EPN1: variants seen among roughly 807,000 people sequenced by gnomAD.
The protein encoded by EPN1 is epsin 1.
In EPN1, 25 loss-of-function variants were observed where a neutral mutation model predicts 56.9. The ratio of observed to expected loss-of-function variants is 0.44; its 90% CI spans 0.32 to 0.61. The LOEUF (loss-of-function observed/expected upper bound fraction) is 0.61. Among genes scored for constraint, EPN1 ranks in the 20% least tolerant of loss-of-function variants. EPN1 has a pLI of 0.05. For missense variants in EPN1, 785 were observed against 823.7 expected (o/e 0.95, Z 0.58); for synonymous variants, 411 against 361.8 (o/e 1.14, Z -1.54).
rs1480730716 is a variant in EPN1 at position 55,703,145 on chromosome 19, T to C, written c.*7789T>C. ...ATTTCCTTTGGCCCTGCGTGGTCTC[T>C]CTCTGGCTGGGCAGCTCTGGGCCAG... On this transcript the variant is annotated 3_prime_UTR_variant, in exon 11 of 11. Coordinates refer to ENST00000270460, the MANE Select transcript of EPN1 (RefSeq NM_001130072.2). 1 of 152,240 alleles carries C rather than the reference T, an allele frequency of 6.6e-6. No individual in the cohort carries two copies. The highest frequency in any genetic ancestry group is 1.9e-4 in the East Asian group (1 of 5,174). 9.4% of individuals were successfully genotyped at this position (152,240 alleles called of 1,614,324 possible).
rs1291954869 is a variant in EPN1, at chr19:55,689,898, G to A, written c.710G>A (p.Arg237Gln). 1 of 1,606,368 alleles carries A rather than the reference G, an allele frequency of 6.2e-7. No homozygotes were observed. Among genetic ancestry groups the A allele is most frequent in the Non-Finnish European group, 8.5e-7 (1 of 1,176,848 alleles). The change falls in exon 6 of 11, where the codon CGG becomes CAG. Residue 237 changes from arginine (R) to glutamine (Q), a missense_variant. Coordinates refer to ENST00000270460, the MANE Select transcript of EPN1 (RefSeq NM_001130072.2). This position sits in a 1 kb window ranked among gnomAD's most constrained non-coding sequence, Gnocchi z 5.7. Reference protein sequence around the residue: ...EERIRRGDDLRLQMAIEESKR... With the variant: ...EERIRRGDDLQLQMAIEESKR... ...CGGATCCGTCGCGGGGATGACCTGC[G>A]GCTGCAGATGGCAATCGAGGAGAGC...
Position 55,708,676 on chromosome 19 carries a change from A to C in EPN1, c.*13320A>C, listed in dbSNP as rs1036175897. 7 of 358,216 alleles carry C rather than the reference A, an allele frequency of 2.0e-5. No individual in the cohort carries two copies. The highest frequency in any genetic ancestry group is 4.7e-5 in the Admixed American group (1 of 21,380). The allele number at this position is 358,216 out of a possible 1,614,324, so 22.2% of individuals were successfully genotyped here. Reference sequence around the variant, plus strand: ...TTGTTTAACGTACTTGTGCTTCTAAATATCACAAGGCAGGATGGGATTTCT... The same window carrying C: ...TTGTTTAACGTACTTGTGCTTCTAACTATCACAAGGCAGGATGGGATTTCT... On this transcript the variant is annotated 3_prime_UTR_variant, in exon 11 of 11. Transcript: ENST00000270460.
At chr19:55,681,077 C>T (rs934748787) in intron 2 of EPN1, among the ~76,000 whole-genome samples, 2 of 152,232 alleles carry the variant, frequency 1.3e-5, no homozygotes, top group Non-Finnish European at 2.9e-5. Context: ...AGAGCCCAGG[C>T]TGTCCCACCC....
At chr19:55,686,626 C>T (rs148492462) in intron 3 of EPN1, among the ~76,000 whole-genome samples, 242 of 152,060 alleles carry the variant, frequency 1.6e-3, no homozygotes, top group African/African-American at 5.6e-3. Flanking sequence ...ATGGGTGTGA[C>T]GGGGTGTGTG....
rs943613477 is a variant in EPN1 at position 55,695,486 on chromosome 19, A to G, written c.*130A>G. 2 of 611,776 alleles carry G rather than the reference A, an allele frequency of 3.3e-6. No homozygotes were observed. Among genetic ancestry groups the G allele is most frequent in the Non-Finnish European group, 5.8e-6 (2 of 346,634 alleles). 37.9% of individuals were successfully genotyped at this position (611,776 alleles called of 1,614,324 possible). Reference sequence around the variant, plus strand: ...CCCTTCCCCTTCCTGGGGCCCACTCACACTACACCCTCTTCCTTTCCCACC... The same window carrying G: ...CCCTTCCCCTTCCTGGGGCCCACTCGCACTACACCCTCTTCCTTTCCCACC... On this transcript the variant is annotated 3_prime_UTR_variant, in exon 11 of 11. Coordinates refer to ENST00000270460, the MANE Select transcript of EPN1 (RefSeq NM_001130072.2). The surrounding 1 kb of genome is among the most constrained non-coding windows in gnomAD (Gnocchi z 4.4).
Position 55,689,283 on chromosome 19 carries a change from T to C in EPN1, c.604-14T>C. 2.0e-6 allele frequency: 3 copies of C among 1,535,968 alleles called. No homozygotes were observed. Among genetic ancestry groups the C allele is most frequent in the South Asian group, 1.2e-5 (1 of 83,604 alleles). ...GCCCCTCCCGTCATGCCCCTCACAC[T>C]CTCTCTCCCCCAGCCCCCGTCCTGC... On this transcript the variant is annotated splice_polypyrimidine_tract_variant and intron_variant, in intron 4 of 10. Transcript: ENST00000270460. The surrounding 1 kb of genome is among the most constrained non-coding windows in gnomAD (Gnocchi z 5.7).
rs764683689 is a variant in EPN1 at position 55,677,683 on chromosome 19, A to G, written c.-101-844A>G. ...CTCTCCTGAGCCTTGGGCTTCCGCTATCCTTGGGACGTCTGGTCTTCTGGC... is the reference window on the plus strand; with the variant it reads ...CTCTCCTGAGCCTTGGGCTTCCGCTGTCCTTGGGACGTCTGGTCTTCTGGC... On this transcript the variant is annotated intron_variant, in intron 1 of 10. Transcript: ENST00000270460. 24 of 1,551,046 alleles carry G rather than the reference A, an allele frequency of 1.5e-5. No homozygotes were observed. The highest frequency in any genetic ancestry group is 7.3e-5 in the East Asian group (3 of 40,906).
Position 55,708,727 on chromosome 19 carries a change from G to A in EPN1, c.*13371G>A, listed in dbSNP as rs1342494156. The A allele has an allele frequency of 1.3e-5, 6 of 459,970 alleles. No homozygotes were observed. In the East Asian group the frequency reaches 1.9e-4, roughly 15 times the overall value. The allele number at this position is 459,970 out of a possible 1,614,324, so 28.5% of individuals were successfully genotyped here. ...AAAGACAAGGGGATATAGGACCGAGGCAAAGACAATCAGCATGTACACTGA... is the reference window on the plus strand; with the variant it reads ...AAAGACAAGGGGATATAGGACCGAGACAAAGACAATCAGCATGTACACTGA... On this transcript the variant is annotated 3_prime_UTR_variant, in exon 11 of 11. Transcript: ENST00000270460.
Position 55,696,231 on chromosome 19 carries a change from C to A in EPN1, c.*875C>A, listed in dbSNP as rs1211602595. 1 of 152,400 alleles carries A rather than the reference C, an allele frequency of 6.6e-6. No individual in the cohort carries two copies. Among genetic ancestry groups the A allele is most frequent in the Non-Finnish European group, 1.5e-5 (1 of 68,200 alleles). The allele number at this position is 152,400 out of a possible 1,614,324, so 9.4% of individuals were successfully genotyped here. A position where few individuals can be genotyped will look rare whatever the true frequency, so the allele number is the denominator to read the frequency against. The stretch of plus-strand genomic sequence containing the variant: ...CGGCTGAGCTGAGTGGACCACCAGG[C>A]GCCTCCTGGTTGTCCTCTGTGTGCT... On this transcript the variant is annotated 3_prime_UTR_variant, in exon 11 of 11. Coordinates refer to ENST00000270460, the MANE Select transcript of EPN1 (RefSeq NM_001130072.2).
chr19:55,684,619 CG>C (rs1986040311), intron 2 of EPN1, among the ~76,000 whole-genome samples: 1 of 152,124 alleles, frequency 6.6e-6, no homozygotes, highest in African/African-American at 2.4e-5. Context: ...CAAGAGAGCC[CG>C]GGCCTACACA....
At chr19:55,678,917 G>C in intron 2 of EPN1, 62 bp downstream of exon 2, 1 of 1,191,418 alleles carries the variant, frequency 8.4e-7, no homozygotes, top group South Asian at 1.4e-5. Context: ...ACAGGAGCCC[G>C]TGTTGTGCAC....
intron 3 of EPN1, among the ~76,000 whole-genome samples, chr19:55,687,624 G>T (rs545997003): frequency 6.6e-6 from 1 of 152,058 alleles, no homozygotes; most frequent in African/African-American, 2.4e-5. Flanking sequence ...GGCCACAGGG[G>T]TGTGGTCCTC....
In EPN1 at chr19:55,708,913, C is replaced by CA; in HGVS notation, c.*13558dup. On this transcript the variant is annotated 3_prime_UTR_variant, in exon 11 of 11. Coordinates refer to ENST00000270460, the MANE Select transcript of EPN1 (RefSeq NM_001130072.2). ...ACGACTACTTCAGGGTGTTCCCCAT[C>CA]AGAGGAGCACACCCCTGATCTTGTA... 1 of 1,539,510 alleles carries CA rather than the reference C, an allele frequency of 6.5e-7. No individual in the cohort carries two copies. The highest frequency in any genetic ancestry group is 8.7e-7 in the Non-Finnish European group (1 of 1,152,532).
chr19:55,675,652 C>T (rs1007155911), intron 1 of EPN1, among the ~76,000 whole-genome samples: 2 of 152,192 alleles, frequency 1.3e-5, no homozygotes, highest in Admixed American at 6.5e-5. Flanking sequence ...TCCTGTGGGC[C>T]TCTGCCTGTG....
chr19:55,689,731 A>T lies in EPN1; in HGVS notation c.679-136A>T. On this transcript the variant is annotated intron_variant, in intron 5 of 10. Transcript: ENST00000270460. The surrounding 1 kb of genome is among the most constrained non-coding windows in gnomAD (Gnocchi z 5.7). The stretch of plus-strand genomic sequence containing the variant: ...CCCAGGTGCCCCATCCCCATTTCAT[A>T]CATTGTCCGCATCCCATCGAATCCT... 1.2e-6 allele frequency: 1 copy of T among 816,850 alleles called. No individual in the cohort carries two copies. Among genetic ancestry groups the T allele is most frequent in the Non-Finnish European group, 2.0e-6 (1 of 494,204 alleles). The allele number at this position is 816,850 out of a possible 1,614,324, so 50.6% of individuals were successfully genotyped here. A position where few individuals can be genotyped will look rare whatever the true frequency, so the allele number is the denominator to read the frequency against.
intron 7 of EPN1, among the ~76,000 whole-genome samples, chr19:55,692,419 G>T (rs1462608190): frequency 6.6e-6 from 1 of 152,000 alleles, no homozygotes; most frequent in Non-Finnish European, 1.5e-5. Context: ...GGGAGGGGTG[G>T]CCGAGCCGTG....
chr19:55,677,781 T>C (rs953249020), intron 1 of EPN1: 2 of 1,459,756 alleles, frequency 1.4e-6, no homozygotes, highest in Non-Finnish European at 9.1e-7. Flanking sequence ...TCATCAGCCT[T>C]CTTTCCCATG....
intron 3 of EPN1, among the ~76,000 whole-genome samples, chr19:55,685,872 C>T (rs1237971175): frequency 6.6e-6 from 1 of 152,252 alleles, no homozygotes; most frequent in African/African-American, 2.4e-5. Context: ...TTGCCTCGTG[C>T]CCCAGGGCAG....
At chr19:55,682,256 G>A (rs955543144) in intron 2 of EPN1, among the ~76,000 whole-genome samples, 1 of 152,204 alleles carries the variant, frequency 6.6e-6, no homozygotes, top group Non-Finnish European at 1.5e-5. Context: ...AGCCTTCCAG[G>A]TTTCCTCAGG....
Sources: gnomAD v4.1 joint callset for allele counts (sites outside exome capture counted in the v4.1 genomes callset) on GRCh38, gnomAD v4.1.1 for gene constraint, Gnocchi (gnomAD v3.1) non-coding constraint, MANE v1.5 for transcripts, NCBI Gene and HGNC (gene_info 2026-07-23, HGNC 2026-07-21) for gene names.